PPIL3: variants seen among roughly 807,000 people sequenced by gnomAD.
The protein encoded by PPIL3 is peptidyl-prolyl cis-trans isomerase-like 3.
Under a neutral mutation model 20.9 loss-of-function variants are expected in PPIL3, and 13 were observed. The ratio of observed to expected loss-of-function variants is 0.62; its 90% CI spans 0.40 to 0.99. The LOEUF is 0.99. Ranked by LOEUF, PPIL3 falls within the 50% of genes least tolerant of loss-of-function variation. The pLI is 0.00. For missense variants in PPIL3, 170 were observed against 195.2 expected (o/e 0.87, Z 0.77); for synonymous variants, 71 against 64.4 (o/e 1.10, Z -0.49).
chr2:200,874,487 A>G (rs888969709), intron 6 of PPIL3, among the ~76,000 whole-genome samples: 13 of 152,268 alleles, frequency 8.5e-5, no homozygotes, highest in African/African-American at 3.1e-4. Flanking sequence ...GAACTAGAGG[A>G]AAGTTACTGG....
chr2:200,875,233 A>G (rs950330057), intron 6 of PPIL3, among the ~76,000 whole-genome samples: 2 of 152,138 alleles, frequency 1.3e-5, no homozygotes, highest in South Asian at 4.1e-4. Flanking sequence ...CATTGTAGGT[A>G]AGGAGTGGTC....
intron 6 of PPIL3, among the ~76,000 whole-genome samples, chr2:200,875,937 G>A (rs776504897): frequency 1.3e-5 from 2 of 152,080 alleles, no homozygotes; most frequent in Non-Finnish European, 2.9e-5. Context: ...CTGATACACA[G>A]AAGTTTTGAT....
chr2:200,884,105 C>T (rs1232170121), intron 3 of PPIL3, among the ~76,000 whole-genome samples: 3 of 151,668 alleles, frequency 2.0e-5, no homozygotes, highest in African/African-American at 7.3e-5. Context: ...TTCCTTCCAT[C>T]CTTGTCATTT....
At chr2:200,889,093 G>A, upstream of PPIL3, 1 of 469,490 alleles carries the variant, frequency 2.1e-6, no homozygotes, top group Non-Finnish European at 4.4e-6. Flanking sequence ...CCAAGAGAGA[G>A]AACGCCCCTT....
chr2:200,883,112 CTTT>C (rs1289951586), intron 3 of PPIL3, among the ~76,000 whole-genome samples: 1 of 108,816 alleles, frequency 9.2e-6, no homozygotes, highest in East Asian at 2.7e-4. Flanking sequence ...CTGGAATGTT[CTTT>C]TTTTTTTTTT....
At chr2:200,881,811 A>G (rs935119253) in intron 4 of PPIL3, 7 of 294,272 alleles carry the variant, frequency 2.4e-5, no homozygotes, top group Admixed American at 9.6e-5. Flanking sequence ...ATGTGCTGCC[A>G]AAGTGAGCAC....
Position 200,881,302 on chromosome 2 carries a change from TA to T in PPIL3, c.240+118del, listed in dbSNP as rs1242705235. 12 of 734,598 alleles carry T rather than the reference TA, an allele frequency of 1.6e-5. No individual in the cohort carries two copies. The East Asian group carries it at 3.6e-4, about 22-fold the overall frequency. 45.5% of individuals were successfully genotyped at this position (734,598 alleles called of 1,614,324 possible). On this transcript the variant is annotated intron_variant, in intron 5 of 6. Transcript: ENST00000392283. ...CATCATTTGTCAAATGTACAAAAAC[TA>T]TAAAAAAGTATGTTCATTTTGCAAT...
intron 6 of PPIL3, among the ~76,000 whole-genome samples, chr2:200,876,158 A>T (rs1430327800): frequency 1.4e-4 from 19 of 138,918 alleles, no homozygotes; most frequent in East Asian, 8.0e-4. Context: ...TTTTTTTTTT[A>T]AAGTAGCTGC....
At chr2:200,876,135 T>G (rs961342674) in intron 6 of PPIL3, among the ~76,000 whole-genome samples, 8 of 145,080 alleles carry the variant, frequency 5.5e-5, no homozygotes, top group African/African-American at 1.1e-4. Flanking sequence ...AAAAAAAGTG[T>G]TTTTTTTGTT....
intron 2 of PPIL3, 51 bp from the exon 3 acceptor site, chr2:200,885,823 T>C (rs769936673): frequency 1.8e-6 from 2 of 1,119,860 alleles, no homozygotes; most frequent in Admixed American, 4.0e-5. Flanking sequence ...TAGGTGACTT[T>C]ATGCATTGTT....
chr2:200,873,975 G>A (rs1312902530), intron 6 of PPIL3, among the ~76,000 whole-genome samples: 2 of 151,634 alleles, frequency 1.3e-5, no homozygotes, highest in African/African-American at 2.4e-5. Flanking sequence ...GGAGGCCAAG[G>A]CGGGCGGATC....
At chr2:200,876,050 C>G (rs2039498393) in intron 6 of PPIL3, among the ~76,000 whole-genome samples, 2 of 151,850 alleles carry the variant, frequency 1.3e-5, no homozygotes, top group East Asian at 1.9e-4. Flanking sequence ...TTTTTCAGAT[C>G]TGTTAGTTGC....
chr2:200,885,633 T>C, intron 3 of PPIL3, 65 bp downstream of exon 3: 1 of 1,038,810 alleles, frequency 9.6e-7, no homozygotes, highest in Non-Finnish European at 1.5e-6. Flanking sequence ...GGTTAGATTA[T>C]TCAATTCCAA....
chr2:200,873,450 A>C (rs2039387802), intron 6 of PPIL3, among the ~76,000 whole-genome samples: 1 of 151,994 alleles, frequency 6.6e-6, no homozygotes, highest in Non-Finnish European at 1.5e-5. Context: ...TCAGCCTCCC[A>C]AAGTGCTGGG....
At chr2:200,872,401 C>T (rs772209692) in intron 6 of PPIL3, among the ~76,000 whole-genome samples, 5 of 152,014 alleles carry the variant, frequency 3.3e-5, no homozygotes, top group African/African-American at 9.7e-5. Context: ...AGGGTTTTTA[C>T]GGAGGGCACA....
chr2:200,885,786 A>G lies in PPIL3; in HGVS notation c.4-14T>C. The G allele has an allele frequency of 4.7e-6, 7 of 1,487,598 alleles. No individual in the cohort carries two copies. The highest frequency in any genetic ancestry group is 6.5e-6 in the Non-Finnish European group (7 of 1,078,852). The allele number at this position is 1,487,598 out of a possible 1,614,324, so 92.1% of individuals were successfully genotyped here. On this transcript the variant is annotated splice_polypyrimidine_tract_variant and intron_variant, in intron 2 of 6. Transcript: ENST00000392283. ...CAGTGTCACAGACTAAAAAGGAGAG[A>G]AAATGTGAGAACAAATGAAATTTAT...
intron 3 of PPIL3, among the ~76,000 whole-genome samples, chr2:200,883,098 A>G (rs1179864075): frequency 6.9e-6 from 1 of 144,920 alleles, no homozygotes; most frequent in Non-Finnish European, 1.5e-5. Context: ...TGAGATTTCT[A>G]TATCTGGAAT....
At chr2:200,878,854 T>C (rs943431123) in intron 5 of PPIL3, among the ~76,000 whole-genome samples, 5 of 152,226 alleles carry the variant, frequency 3.3e-5, no homozygotes, top group East Asian at 3.8e-4. Flanking sequence ...ATTACTATTT[T>C]TTTACTACTA....
intron 5 of PPIL3, among the ~76,000 whole-genome samples, chr2:200,881,013 A>C (rs2039702070): frequency 6.6e-6 from 1 of 152,216 alleles, no homozygotes; most frequent in Non-Finnish European, 1.5e-5. Flanking sequence ...ATCTAACAGA[A>C]GATGATAAAA....
Sources: gnomAD v4.1 joint callset for allele counts (sites outside exome capture counted in the v4.1 genomes callset) on GRCh38, gnomAD v4.1.1 for gene constraint, MANE v1.5 for transcripts, NCBI Gene and HGNC (gene_info 2026-07-23, HGNC 2026-07-21) for gene names.